The following MYO1E variants were observed in gnomAD, a reference collection of about 807,000 sequenced individuals.
MYO1E encodes myosin IE.
A neutral mutation model predicts 151.1 loss-of-function variants in MYO1E; 68 were observed. The observed-to-expected ratio is 0.45, with a 90% confidence interval of 0.37 to 0.55. The LOEUF is 0.55. Ranked by LOEUF, MYO1E falls within the 20% of genes least tolerant of loss-of-function variation. The pLI, the probability that MYO1E is intolerant of heterozygous loss-of-function variation, is 0.00. For synonymous variants in MYO1E, 601 were observed against 501.7 expected, an observed-to-expected ratio of 1.20 and a Z score of -2.64; for missense variants, 1,363 against 1,389.3, an observed-to-expected ratio of 0.98 and a Z score of 0.30.
rs188059631 is a variant in MYO1E, at chr15:59,187,453, A to G, written c.1904+665T>C. Among the ~76,000 whole-genome samples the G allele has an allele frequency of 7.2e-5, 11 of 152,364 alleles. No individual in the cohort carries two copies. The South Asian group carries it at 1.0e-3, about 14-fold the overall frequency. On this transcript the variant is annotated intron_variant, in intron 18 of 27. Transcript: ENST00000288235. ...CTTATGTTGGCAAGGATTTAGATAAATTGGAAGCCTCAAATACTGCTGGTG... is the reference window on the plus strand; with the variant it reads ...CTTATGTTGGCAAGGATTTAGATAAGTTGGAAGCCTCAAATACTGCTGGTG...
chr15:59,233,929 T>C, intron 5 of MYO1E, among the ~76,000 whole-genome samples: 1 of 152,010 alleles, frequency 6.6e-6, no homozygotes, highest in East Asian at 1.9e-4. Context: ...ATATTAATTA[T>C]ATAATAAAAT....
chr15:59,143,408 A>G (rs1186126707), intron 26 of MYO1E, among the ~76,000 whole-genome samples: 1 of 152,134 alleles, frequency 6.6e-6, no homozygotes. Context: ...AGGAAGGGCA[A>G]CACTGATGCT....
intron 15 of MYO1E, among the ~76,000 whole-genome samples, chr15:59,203,663 T>G (rs1022811104): frequency 3.3e-5 from 5 of 152,214 alleles, no homozygotes; most frequent in African/African-American, 1.2e-4. Flanking sequence ...CATGAGCCAC[T>G]GCACCCAGCC....
At chr15:59,179,098 T>C (rs1262918912) in intron 18 of MYO1E, among the ~76,000 whole-genome samples, 2 of 152,158 alleles carry the variant, frequency 1.3e-5, no homozygotes, top group African/African-American at 4.8e-5. Context: ...TCTTCGAGAA[T>C]GGCCTCTTCT....
At chr15:59,243,099 C>CT (rs3985715) in intron 4 of MYO1E, among the ~76,000 whole-genome samples, 4,678 of 133,366 alleles carry the variant, frequency 0.035, 262 homozygotes, top group African/African-American at 0.092. Flanking sequence ...TTAGACCCTG[C>CT]TTTTTTTTTT....
intron 9 of MYO1E, 96 bp from the exon 10 acceptor site, chr15:59,218,183 G>A (rs569188107): frequency 6.3e-6 from 9 of 1,429,582 alleles, no homozygotes; most frequent in African/African-American, 2.8e-5. Flanking sequence ...GCACATGCAC[G>A]TGTGTGTGCA....
At position 59,334,461 on chromosome 15, in the gene MYO1E, C is replaced by T. The variant is rs537545055; in HGVS notation, c.3+38037G>A. ...TAAATATATACACCTACTTTGTACG[C>T]ATATGTTGTTTTTCTTAAAAAAAAA... On this transcript the variant is annotated intron_variant, in intron 1 of 27. Transcript: ENST00000288235. 5.9e-5 allele frequency among the ~76,000 whole-genome samples: 8 copies of T among 134,794 alleles called. No homozygotes were observed. In the East Asian group the frequency reaches 6.5e-4, roughly 11 times the overall value. The allele number at this position is 134,794 out of a possible 152,430, so 88.4% of individuals were successfully genotyped here. A position where few individuals can be genotyped will look rare whatever the true frequency, so the allele number is the denominator to read the frequency against.
At chr15:59,195,606 T>G (rs1312729245) in intron 16 of MYO1E, 39 bp from the exon 17 acceptor site, 2 of 1,560,326 alleles carry the variant, frequency 1.3e-6, no homozygotes. Flanking sequence ...TGGAACTTTC[T>G]CTAAAGAAGA....
intron 12 of MYO1E, among the ~76,000 whole-genome samples, chr15:59,213,747 C>G (rs1223938674): frequency 1.3e-5 from 2 of 152,220 alleles, no homozygotes; most frequent in African/African-American, 2.4e-5. Flanking sequence ...AGGCACGAGC[C>G]ACAGCACCCA....
At chr15:59,218,806 G>A (rs1385060168) in intron 9 of MYO1E, among the ~76,000 whole-genome samples, 1 of 152,186 alleles carries the variant, frequency 6.6e-6, no homozygotes, top group Non-Finnish European at 1.5e-5. Flanking sequence ...GGATGAATAC[G>A]ATTTGTGCAG....
chr15:59,243,391 A>C (rs1200223934), intron 4 of MYO1E, among the ~76,000 whole-genome samples: 4 of 152,186 alleles, frequency 2.6e-5, no homozygotes, highest in Non-Finnish European at 5.9e-5. Context: ...AGAGACTGTT[A>C]TAAGTGCTTT....
intron 14 of MYO1E, among the ~76,000 whole-genome samples, chr15:59,206,511 C>T (rs1388710984): frequency 6.6e-6 from 1 of 152,200 alleles, no homozygotes; most frequent in African/African-American, 2.4e-5. Context: ...CAGGCAGCCA[C>T]CAGTACGCAA....
chr15:59,346,715 A>C (rs1476541570), intron 1 of MYO1E, among the ~76,000 whole-genome samples: 4 of 152,108 alleles, frequency 2.6e-5, no homozygotes, highest in Non-Finnish European at 4.4e-5. Context: ...GGAGTTCAAG[A>C]CCAGCCTGGG....
chr15:59,213,760 C>A (rs2079896199), intron 12 of MYO1E, among the ~76,000 whole-genome samples: 1 of 152,212 alleles, frequency 6.6e-6, no homozygotes, highest in Admixed American at 6.5e-5. Flanking sequence ...AGCACCCAGC[C>A]TGCAGTGAAC....
At chr15:59,258,039 G>T (rs2080203952) in intron 3 of MYO1E, among the ~76,000 whole-genome samples, 1 of 152,160 alleles carries the variant, frequency 6.6e-6, no homozygotes, top group African/African-American at 2.4e-5. Flanking sequence ...GCAGAAAAAG[G>T]AAAGTGATAT....
chr15:59,315,546 A>T (rs1265786729), intron 1 of MYO1E, among the ~76,000 whole-genome samples: 1 of 147,312 alleles, frequency 6.8e-6, no homozygotes, highest in Non-Finnish European at 1.5e-5. Flanking sequence ...TAGAACTAAA[A>T]ATTAAAAAAA....
chr15:59,189,078 T>C (rs1387699283), intron 17 of MYO1E, among the ~76,000 whole-genome samples: 1 of 152,190 alleles, frequency 6.6e-6, no homozygotes, highest in Non-Finnish European at 1.5e-5. Context: ...GAATTTTTTT[T>C]TGATACAGGG....
At chr15:59,250,859 G>A (rs1477729966) in intron 4 of MYO1E, among the ~76,000 whole-genome samples, 1 of 152,174 alleles carries the variant, frequency 6.6e-6, no homozygotes, top group Non-Finnish European at 1.5e-5. Flanking sequence ...CACCTGAACA[G>A]CTGGAAACAA....
intron 22 of MYO1E, 21 bp downstream of exon 22, chr15:59,171,876 C>T: frequency 1.2e-6 from 2 of 1,614,162 alleles, no homozygotes; most frequent in East Asian, 4.5e-5. Flanking sequence ...GCAGTCCTGC[C>T]TCTGCACCTC....
Sources: allele counts gnomAD v4.1 joint callset (sites outside exome capture counted in the v4.1 genomes callset), GRCh38; gene constraint gnomAD v4.1.1; transcripts MANE v1.5; gene names NCBI Gene and HGNC (gene_info 2026-07-23, HGNC 2026-07-21).